Variants in TRIR observed in about 807,000 individuals in gnomAD.
TRIR encodes telomerase RNA component interacting RNase.
In TRIR, 5 loss-of-function variants were observed where a neutral mutation model predicts 18.2. The ratio of observed to expected loss-of-function variants is 0.27; its 90% CI spans 0.14 to 0.58. The LOEUF is 0.58. Among genes scored for constraint, TRIR ranks in the 20% least tolerant of loss-of-function variants. The probability of loss-of-function intolerance (pLI) is 0.91; values close to 1 mark genes in which losing one functional copy is unlikely to be tolerated. For synonymous variants in TRIR, 134 were observed against 114.4 expected (o/e 1.17, Z -1.10); for missense variants, 206 against 252.8 (o/e 0.81, Z 1.25).
rs1028919315 is a variant in TRIR at position 12,734,399 on chromosome 19, C to G, written c.259G>C (p.Gly87Arg). The G allele has an allele frequency of 6.6e-7, 1 of 1,515,470 alleles. No homozygotes were observed. Among genetic ancestry groups the G allele is most frequent in the Non-Finnish European group, 8.8e-7 (1 of 1,133,118 alleles). The allele number at this position is 1,515,470 out of a possible 1,614,324, so 93.9% of individuals were successfully genotyped here. A position where few individuals can be genotyped will look rare whatever the true frequency, so the allele number is the denominator to read the frequency against. The change falls in exon 1 of 3, where the codon GGT becomes CGT. Residue 87 changes from glycine (G) to arginine (R), a missense_variant. Coordinates refer to ENST00000242784, the MANE Select transcript of TRIR (RefSeq NM_024038.4). The surrounding 1 kb of genome is among the most constrained non-coding windows in gnomAD (Gnocchi z 4.1). ...GCCGACTGGTCGGGTCGCTGCGGACCCGGGGGCGGCTCCTCCTGCCGCTGC... is the reference window on the plus strand; with the variant it reads ...GCCGACTGGTCGGGTCGCTGCGGACGCGGGGGCGGCTCCTCCTGCCGCTGC... ...QRQRQEEPPPGPQRPDQSAAA... is the reference protein window; with the variant it reads ...QRQRQEEPPPRPQRPDQSAAA...
Position 12,734,511 on chromosome 19 carries a change from C to T in TRIR, c.147G>A (p.Ser49=). 1 of 1,535,732 alleles carries T rather than the reference C, an allele frequency of 6.5e-7. No individual in the cohort carries two copies. The highest frequency in any genetic ancestry group is 8.7e-7 in the Non-Finnish European group (1 of 1,143,708). The change falls in exon 1 of 3, where the codon TCG becomes TCA. Residue 49 remains serine (S), a synonymous_variant. Transcript: ENST00000242784. The surrounding 1 kb of genome is among the most constrained non-coding windows in gnomAD (Gnocchi z 4.1). ...SGDEEVSGAG[S]SPVSGGVNLF... ...AGTTCACGCCGCCCGACACCGGGCT[C>T]GAACCCGCGCCCGACACCTCCTCGT...
chr19:12,734,610 C>T lies in TRIR; in HGVS notation c.48G>A (p.Pro16=), dbSNP rs1232156248. The T allele has an allele frequency of 1.4e-5, 21 of 1,517,416 alleles. No homozygotes were observed. The highest frequency in any genetic ancestry group is 2.0e-5 in the Admixed American group (1 of 49,274). The allele number at this position is 1,517,416 out of a possible 1,614,324, so 94.0% of individuals were successfully genotyped here. ...RRAEPQGREA[P]GPAGGGGGGS... ...CGCCACCGCCACCGCCCGCGGGGCC[C>T]GGAGCCTCCCGGCCCTGAGGCTCCG... The change falls in exon 1 of 3, where the codon CCG becomes CCA. Residue 16 remains proline (P), a synonymous_variant. Coordinates refer to ENST00000242784, the MANE Select transcript of TRIR (RefSeq NM_024038.4). The surrounding 1 kb of genome is among the most constrained non-coding windows in gnomAD (Gnocchi z 4.1).
intron 1 of TRIR, among the ~76,000 whole-genome samples, chr19:12,733,923 C>A (rs772074519): frequency 6.6e-5 from 10 of 152,226 alleles, no homozygotes; most frequent in African/African-American, 9.7e-5. Context: ...ATTGTCCTTA[C>A]ATAGTACGTG....
chr19:12,730,913 A>G lies in TRIR; in HGVS notation c.*48T>C. ...GCCGCTGCCGCTGCATTAAATAGTTATGTACATCGCAGAGAGTCCCAGGCC... is the reference window on the plus strand; with the variant it reads ...GCCGCTGCCGCTGCATTAAATAGTTGTGTACATCGCAGAGAGTCCCAGGCC... On this transcript the variant is annotated 3_prime_UTR_variant, in exon 3 of 3. Transcript: ENST00000242784. 6.6e-7 allele frequency: 1 copy of G among 1,523,604 alleles called. No individual in the cohort carries two copies. Among genetic ancestry groups the G allele is most frequent in the Non-Finnish European group, 9.1e-7 (1 of 1,098,154 alleles). 94.4% of individuals were successfully genotyped at this position (1,523,604 alleles called of 1,614,324 possible).
Position 12,734,640 on chromosome 19 carries a change from T to C in TRIR, c.18A>G (p.Arg6=), listed in dbSNP as rs970606939. Residue 6 remains arginine, a synonymous_variant, in exon 1 of 3, where the codon AGA becomes AGG. Coordinates refer to ENST00000242784, the MANE Select transcript of TRIR (RefSeq NM_024038.4). This position sits in a 1 kb window ranked among gnomAD's most constrained non-coding sequence, Gnocchi z 4.1. MAARG[R]RAEPQGREAP... ...CCTCCCGGCCCTGAGGCTCCGCCCGTCTCCCTCGGGCAGCCATTTTGTCGC... is the reference window on the plus strand; with the variant it reads ...CCTCCCGGCCCTGAGGCTCCGCCCGCCTCCCTCGGGCAGCCATTTTGTCGC... The C allele has an allele frequency of 7.9e-6, 12 of 1,509,920 alleles. No homozygotes were observed. The African/African-American group carries it at 1.6e-4, about 20-fold the overall frequency. 93.5% of individuals were successfully genotyped at this position (1,509,920 alleles called of 1,614,324 possible).
Position 12,730,900 on chromosome 19 carries a change from G to GC in TRIR, c.*60dup, listed in dbSNP as rs1967415044. 2.7e-6 allele frequency: 4 copies of GC among 1,470,286 alleles called. No individual in the cohort carries two copies. In the African/African-American group the frequency reaches 4.2e-5, roughly 15 times the overall value. The allele number at this position is 1,470,286 out of a possible 1,614,324, so 91.1% of individuals were successfully genotyped here. On this transcript the variant is annotated 3_prime_UTR_variant, in exon 3 of 3. Coordinates refer to ENST00000242784, the MANE Select transcript of TRIR (RefSeq NM_024038.4). ...AGGGAAGGCTGTCGCCGCTGCCGCT[G>GC]CATTAAATAGTTATGTACATCGCAG...
In TRIR at chr19:12,730,678, T is replaced by G; in HGVS notation, c.*283A>C. On this transcript the variant is annotated 3_prime_UTR_variant, in exon 3 of 3. Transcript: ENST00000242784. ...CAAGTTCTTTACTTCCCAGAAGTGA[T>G]GGCTAAGGGGAGGGAGGAGGGTGAG... 1 of 500,364 alleles carries G rather than the reference T, an allele frequency of 2.0e-6. No individual in the cohort carries two copies. Among genetic ancestry groups the G allele is most frequent in the East Asian group, 3.7e-5 (1 of 27,042 alleles). The allele number at this position is 500,364 out of a possible 1,614,324, so 31.0% of individuals were successfully genotyped here.
chr19:12,732,699 C>A (rs918666067), intron 1 of TRIR, among the ~76,000 whole-genome samples: 1 of 151,936 alleles, frequency 6.6e-6, no homozygotes, highest in Non-Finnish European at 1.5e-5. Context: ...AAGTGATTCT[C>A]CTGCCTCAGC....
Position 12,730,780 on chromosome 19 carries a change from T to C in TRIR, c.*181A>G, listed in dbSNP as rs1967412010. 1 of 618,420 alleles carries C rather than the reference T, an allele frequency of 1.6e-6. No individual in the cohort carries two copies. Among genetic ancestry groups the C allele is most frequent in the Admixed American group, 2.8e-5 (1 of 36,074 alleles). 38.3% of individuals were successfully genotyped at this position (618,420 alleles called of 1,614,324 possible). A position where few individuals can be genotyped will look rare whatever the true frequency, so the allele number is the denominator to read the frequency against. ...CAGTAAACCACTGTTCTATGAAGTC[T>C]CACGAGGCAAGTGCTCAAGGTAAAA... On this transcript the variant is annotated 3_prime_UTR_variant, in exon 3 of 3. Coordinates refer to ENST00000242784, the MANE Select transcript of TRIR (RefSeq NM_024038.4).
chr19:12,731,421 C>T lies in TRIR; in HGVS notation c.346G>A (p.Val116Met). The T allele has an allele frequency of 6.2e-7, 1 of 1,613,048 alleles. No homozygotes were observed. Among genetic ancestry groups the T allele is most frequent in the South Asian group, 1.1e-5 (1 of 90,960 alleles). ...TTGTTCCCGCCTCTGCGTTTGCCCA[C>T]CTGGGTGAAGGGACAGAAGACTGCA... Reference protein sequence around the residue: ...KGGPGSTLSFVGKRRGGNKLA... With the variant: ...KGGPGSTLSFMGKRRGGNKLA... Residue 116 changes from valine (V) to methionine (M), a missense_variant and splice_region_variant, in exon 2 of 3, where the codon GTG becomes ATG. Around this residue, in one of 2 missense-constraint regions of TRIR, gnomAD observed 34 missense variants for 87.8 expected, o/e 0.39. Coordinates refer to ENST00000242784, the MANE Select transcript of TRIR (RefSeq NM_024038.4). This position sits in a 1 kb window ranked among gnomAD's most constrained non-coding sequence, Gnocchi z 5.1.
Position 12,734,556 on chromosome 19 carries a change from C to A in TRIR, c.102G>T (p.Gly34=). The part of the protein sequence containing the change: ...GGSRWAESGS[G]TSPESGDEEV... ...CCTCGTCCCCGCTCTCGGGCGACGT[C>A]CCCGATCCCGACTCAGCCCAACGGC... The change falls in exon 1 of 3, where the codon GGG becomes GGT. Residue 34 remains glycine (G), a synonymous_variant. Transcript: ENST00000242784. This position sits in a 1 kb window ranked among gnomAD's most constrained non-coding sequence, Gnocchi z 4.1. 2 of 1,531,638 alleles carry A rather than the reference C, an allele frequency of 1.3e-6. No homozygotes were observed. Among genetic ancestry groups the A allele is most frequent in the South Asian group, 2.4e-5 (2 of 82,840 alleles). 94.9% of individuals were successfully genotyped at this position (1,531,638 alleles called of 1,614,324 possible).
chr19:12,733,699 C>T (rs941881843), intron 1 of TRIR, among the ~76,000 whole-genome samples: 2 of 152,186 alleles, frequency 1.3e-5, no homozygotes, highest in Non-Finnish European at 2.9e-5. Context: ...ATAAAACCCT[C>T]ACCACATCAA....
At position 12,734,584 on chromosome 19, in the gene TRIR, C is replaced by A; in HGVS notation, c.74G>T (p.Gly25Val). Residue 25 changes from glycine (G) to valine (V), a missense_variant, in exon 1 of 3, where the codon GGG becomes GTG. Gly to Val is a moderately radical substitution (Grantham distance 109). Coordinates refer to ENST00000242784, the MANE Select transcript of TRIR (RefSeq NM_024038.4). The surrounding 1 kb of genome is among the most constrained non-coding windows in gnomAD (Gnocchi z 4.1). ...CGATCCCGACTCAGCCCAACGGCTCCCGCCACCGCCACCGCCCGCGGGGCC... is the reference window on the plus strand; with the variant it reads ...CGATCCCGACTCAGCCCAACGGCTCACGCCACCGCCACCGCCCGCGGGGCC... The part of the protein sequence containing the change: ...APGPAGGGGG[G>V]SRWAESGSGT... 2.6e-6 allele frequency: 4 copies of A among 1,521,404 alleles called. No individual in the cohort carries two copies. The highest frequency in any genetic ancestry group is 3.5e-6 in the Non-Finnish European group (4 of 1,140,162). The allele number at this position is 1,521,404 out of a possible 1,614,324, so 94.2% of individuals were successfully genotyped here. A position where few individuals can be genotyped will look rare whatever the true frequency, so the allele number is the denominator to read the frequency against.
chr19:12,732,392 G>A (rs975971398), intron 1 of TRIR, among the ~76,000 whole-genome samples: 9 of 152,084 alleles, frequency 5.9e-5, no homozygotes, highest in Admixed American at 1.3e-4. Flanking sequence ...TCCCATTCAT[G>A]AAGGGACTCC....
In TRIR at chr19:12,730,682, T is replaced by G; in HGVS notation, c.*279A>C. On this transcript the variant is annotated 3_prime_UTR_variant, in exon 3 of 3. Coordinates refer to ENST00000242784, the MANE Select transcript of TRIR (RefSeq NM_024038.4). The stretch of plus-strand genomic sequence containing the variant: ...TTCTTTACTTCCCAGAAGTGATGGC[T>G]AAGGGGAGGGAGGAGGGTGAGAAGA... 2.0e-6 allele frequency: 1 copy of G among 509,496 alleles called. No individual in the cohort carries two copies. Among genetic ancestry groups the G allele is most frequent in the Non-Finnish European group, 3.6e-6 (1 of 281,662 alleles). The allele number at this position is 509,496 out of a possible 1,614,324, so 31.6% of individuals were successfully genotyped here. A position where few individuals can be genotyped will look rare whatever the true frequency, so the allele number is the denominator to read the frequency against.
Position 12,734,521 on chromosome 19 carries a change from C to T in TRIR, c.137G>A (p.Gly46Asp), listed in dbSNP as rs1278538301. The change falls in exon 1 of 3, where the codon GGC (glycine) becomes GAC (aspartate). Residue 46 changes from glycine to aspartate, a missense_variant. By Grantham distance (94) the Gly-to-Asp change is moderately conservative. Around this residue, in one of 2 missense-constraint regions of TRIR, gnomAD observed 172 missense variants for 165.0 expected, o/e 1.04. Coordinates refer to ENST00000242784, the MANE Select transcript of TRIR (RefSeq NM_024038.4). This position sits in a 1 kb window ranked among gnomAD's most constrained non-coding sequence, Gnocchi z 4.1. ...SPESGDEEVS[G>D]AGSSPVSGGV... Reference sequence around the variant, plus strand: ...GCCCGACACCGGGCTCGAACCCGCGCCCGACACCTCCTCGTCCCCGCTCTC... The same window carrying T: ...GCCCGACACCGGGCTCGAACCCGCGTCCGACACCTCCTCGTCCCCGCTCTC... The T allele has an allele frequency of 1.3e-6, 2 of 1,536,302 alleles. No individual in the cohort carries two copies. The highest frequency in any genetic ancestry group is 2.8e-5 in the African/African-American group (2 of 71,350).
Position 12,731,249 on chromosome 19 carries a change from A to G in TRIR, c.423+95T>C. 6.8e-7 allele frequency: 1 copy of G among 1,474,558 alleles called. No homozygotes were observed. Among genetic ancestry groups the G allele is most frequent in the Non-Finnish European group, 9.5e-7 (1 of 1,057,298 alleles). 91.3% of individuals were successfully genotyped at this position (1,474,558 alleles called of 1,614,324 possible). On this transcript the variant is annotated intron_variant, in intron 2 of 2. Transcript: ENST00000242784. The surrounding 1 kb of genome is among the most constrained non-coding windows in gnomAD (Gnocchi z 5.1). The stretch of plus-strand genomic sequence containing the variant: ...CCTACCCTGCCAGGCACACTCATAA[A>G]AGGCCTGGATACCAGACAGGGAGGG...
At position 12,731,655 on chromosome 19, in the gene TRIR, A is replaced by G; in HGVS notation, c.346-234T>C. The G allele has an allele frequency of 3.6e-6, 2 of 559,590 alleles. No homozygotes were observed. Among genetic ancestry groups the G allele is most frequent in the South Asian group, 4.4e-5 (2 of 45,796 alleles). The allele number at this position is 559,590 out of a possible 1,614,324, so 34.7% of individuals were successfully genotyped here. The stretch of plus-strand genomic sequence containing the variant: ...AAGAAGAGTGTCCACCTCAGTAGGG[A>G]CCAGCTCTGTTCTCACTTTCCACGC... On this transcript the variant is annotated intron_variant, in intron 1 of 2. Transcript: ENST00000242784. The surrounding 1 kb of genome is among the most constrained non-coding windows in gnomAD (Gnocchi z 5.1).
rs1369964556 is a variant in TRIR at position 12,734,166 on chromosome 19, C to G, written c.345+147G>C. ...CCCCTAGACCCCAGTTGTCGGGAAT[C>G]CAAGTTCCACACCCTCAGCGGGTGA... On this transcript the variant is annotated intron_variant, in intron 1 of 2. Transcript: ENST00000242784. This position sits in a 1 kb window ranked among gnomAD's most constrained non-coding sequence, Gnocchi z 4.1. 16 of 856,112 alleles carry G rather than the reference C, an allele frequency of 1.9e-5. No individual in the cohort carries two copies. Among genetic ancestry groups the G allele is most frequent in the Non-Finnish European group, 2.5e-5 (15 of 605,882 alleles). The allele number at this position is 856,112 out of a possible 1,614,324, so 53.0% of individuals were successfully genotyped here. A position where few individuals can be genotyped will look rare whatever the true frequency, so the allele number is the denominator to read the frequency against.
Sources: gnomAD v4.1 joint callset for allele counts (sites outside exome capture counted in the v4.1 genomes callset) on GRCh38, gnomAD v4.1.1 for gene constraint, gnomAD v4.1.1 regional missense constraint, Gnocchi (gnomAD v3.1) non-coding constraint, MANE v1.5 for transcripts, NCBI Gene and HGNC (gene_info 2026-07-23, HGNC 2026-07-21) for gene names.